Variants in SGCZ observed in about 807,000 individuals in gnomAD.
SGCZ encodes zeta-sarcoglycan.
Under a neutral mutation model 41.3 loss-of-function variants are expected in SGCZ, and 40 were observed. The ratio of observed to expected loss-of-function variants is 0.97; its 90% confidence interval spans 0.75 to 1.26. SGCZ has a LOEUF of 1.26. Ranked by LOEUF, SGCZ falls within the 50% of genes most tolerant of loss-of-function variation. The pLI is 0.00. For missense variants in SGCZ, 552 were observed against 369.8 expected (o/e 1.49, Z -4.04); for synonymous variants, 206 against 137.5 (o/e 1.50, Z -3.49).
intron 2 of SGCZ, among the ~76,000 whole-genome samples, chr8:14,507,776 T>TG (rs957700939): frequency 2.9e-5 from 4 of 136,212 alleles, no homozygotes; most frequent in Admixed American, 2.2e-4. Flanking sequence ...TTGTTTTTGT[T>TG]TTTTTTTTTT....
intron 4 of SGCZ, among the ~76,000 whole-genome samples, chr8:14,197,584 A>G (rs1273887663): frequency 1.3e-5 from 2 of 152,118 alleles, no homozygotes; most frequent in Non-Finnish European, 2.9e-5. Flanking sequence ...GTACCTAGAG[A>G]AAAAGCTTCT....
intron 2 of SGCZ, among the ~76,000 whole-genome samples, chr8:14,368,834 A>G (rs1273723542): frequency 2.6e-5 from 4 of 151,420 alleles, no homozygotes; most frequent in African/African-American, 9.8e-5. Flanking sequence ...CAATTGCAGC[A>G]AAAAAAAGTT....
At chr8:14,317,259 T>G (rs1016397647) in intron 3 of SGCZ, among the ~76,000 whole-genome samples, 6 of 152,084 alleles carry the variant, frequency 3.9e-5, no homozygotes, top group Non-Finnish European at 8.8e-5. Flanking sequence ...TTATCTCATC[T>G]AACAACTATA....
intron 1 of SGCZ, among the ~76,000 whole-genome samples, chr8:14,581,029 T>C (rs1804870985): frequency 6.6e-6 from 1 of 152,348 alleles, no homozygotes; most frequent in South Asian, 2.1e-4. Flanking sequence ...AGGTATCCTG[T>C]GAGATACTTT....
intron 2 of SGCZ, among the ~76,000 whole-genome samples, chr8:14,429,138 T>A (rs1799872388): frequency 6.6e-6 from 1 of 152,232 alleles, no homozygotes; most frequent in Non-Finnish European, 1.5e-5. Context: ...CTTTGCAGTC[T>A]ACATCCTTGT....
At chr8:14,717,777 G>A (rs1437932107) in intron 1 of SGCZ, among the ~76,000 whole-genome samples, 1 of 151,940 alleles carries the variant, frequency 6.6e-6, no homozygotes, top group Non-Finnish European at 1.5e-5. Context: ...TTCTACAACT[G>A]TGTGTGAAAA....
At chr8:14,624,882 A>T (rs1402327510) in intron 1 of SGCZ, among the ~76,000 whole-genome samples, 1 of 151,860 alleles carries the variant, frequency 6.6e-6, no homozygotes, top group Non-Finnish European at 1.5e-5. Flanking sequence ...TCACTCCCCA[A>T]ATTTCTGACC....
At chr8:14,137,275 C>T (rs1244397062) in intron 5 of SGCZ, among the ~76,000 whole-genome samples, 2 of 152,212 alleles carry the variant, frequency 1.3e-5, no homozygotes, top group African/African-American at 2.4e-5. Context: ...CTCTTCTCCT[C>T]CAAAGATCGC....
At chr8:14,774,117 G>T (rs973633049) in intron 1 of SGCZ, among the ~76,000 whole-genome samples, 1 of 152,148 alleles carries the variant, frequency 6.6e-6, no homozygotes, top group Non-Finnish European at 1.5e-5. Flanking sequence ...GAGTAAAGCA[G>T]ACTGCCCTCC....
chr8:14,145,084 C>A (rs1049117065), intron 5 of SGCZ, among the ~76,000 whole-genome samples: 2 of 152,268 alleles, frequency 1.3e-5, no homozygotes, highest in South Asian at 4.1e-4. Flanking sequence ...AGACATAGGC[C>A]TGGCTGGCTT....
chr8:14,633,830 G>T (rs997674451), intron 1 of SGCZ, among the ~76,000 whole-genome samples: 3 of 151,880 alleles, frequency 2.0e-5, no homozygotes, highest in South Asian at 2.1e-4. Flanking sequence ...AAGTAGTCCA[G>T]TGTTCTGAAC....
intron 1 of SGCZ, among the ~76,000 whole-genome samples, chr8:15,206,739 A>C (rs141406631): frequency 1.3e-5 from 2 of 151,900 alleles, no homozygotes; most frequent in South Asian, 4.1e-4. Flanking sequence ...GAGCCACTGC[A>C]CCCAGCCGGG....
intron 1 of SGCZ, among the ~76,000 whole-genome samples, chr8:14,562,993 T>A (rs1172336752): frequency 6.6e-6 from 1 of 152,186 alleles, no homozygotes; most frequent in African/African-American, 2.4e-5. Flanking sequence ...ATAATTATTA[T>A]AATCCAAAGA....
chr8:14,428,453 T>G (rs933033738), intron 2 of SGCZ, among the ~76,000 whole-genome samples: 2 of 152,168 alleles, frequency 1.3e-5, no homozygotes, highest in Non-Finnish European at 2.9e-5. Context: ...AATTATATTT[T>G]GTACCTAACT....
intron 2 of SGCZ, among the ~76,000 whole-genome samples, chr8:14,416,065 C>T (rs1451809355): frequency 6.6e-6 from 1 of 151,878 alleles, no homozygotes; most frequent in Non-Finnish European, 1.5e-5. Flanking sequence ...TATTCAAATG[C>T]TACTTGAGGA....
intron 1 of SGCZ, among the ~76,000 whole-genome samples, chr8:15,098,517 C>G (rs1367944101): frequency 6.6e-6 from 1 of 152,124 alleles, no homozygotes; most frequent in African/African-American, 2.4e-5. Flanking sequence ...AAGAATGCTT[C>G]GTATTTACAA....
intron 1 of SGCZ, among the ~76,000 whole-genome samples, chr8:15,081,729 A>C (rs916815484): frequency 1.3e-5 from 2 of 152,158 alleles, no homozygotes; most frequent in African/African-American, 4.8e-5. Context: ...TTTCTTAACA[A>C]CACCAATTTC....
chr8:14,747,075 C>A (rs1799357128), intron 1 of SGCZ, among the ~76,000 whole-genome samples: 1 of 152,110 alleles, frequency 6.6e-6, no homozygotes, highest in Admixed American at 6.6e-5. Context: ...TTTAAGAGTG[C>A]TATTTCAATT....
At chr8:14,526,005 A>C (rs532425315) in intron 2 of SGCZ, among the ~76,000 whole-genome samples, 1 of 152,280 alleles carries the variant, frequency 6.6e-6, no homozygotes, top group South Asian at 2.1e-4. Context: ...TAGTAGTATT[A>C]GGTTTCTGTA....
Sources: gnomAD v4.1 joint callset for allele counts (sites outside exome capture counted in the v4.1 genomes callset) on GRCh38, gnomAD v4.1.1 for gene constraint, MANE v1.5 for transcripts, NCBI Gene and HGNC (gene_info 2026-07-23, HGNC 2026-07-21) for gene names.